WWOX: variants seen among roughly 807,000 people sequenced by gnomAD.
WWOX encodes the protein WW domain-containing oxidoreductase.
Under a neutral mutation model 46.2 loss-of-function variants are expected in WWOX, and 69 were observed. That is an observed-to-expected ratio of 1.49 (90% CI 1.23 to 1.82). The LOEUF is 1.82. WWOX is among the 40% of genes most tolerant of loss of function. The probability of loss-of-function intolerance (pLI) is 0.00; values close to 1 mark genes in which losing one functional copy is unlikely to be tolerated. For synonymous variants in WWOX, 359 were observed against 202.6 expected, an observed-to-expected ratio of 1.77 and a Z score of -6.56; for missense variants, 919 against 542.6, an observed-to-expected ratio of 1.69 and a Z score of -6.89.
At chr16:78,870,052 C>G (rs994565535) in intron 8 of WWOX, among the ~76,000 whole-genome samples, 2 of 152,180 alleles carry the variant, frequency 1.3e-5, no homozygotes, top group South Asian at 2.1e-4. Flanking sequence ...CCATCAACTA[C>G]AAATCATTGA....
intron 8 of WWOX, among the ~76,000 whole-genome samples, chr16:78,869,869 C>T (rs1312694497): frequency 6.6e-6 from 1 of 152,182 alleles, no homozygotes; most frequent in Non-Finnish European, 1.5e-5. Flanking sequence ...TACTCATGGG[C>T]TCTTTTTTCC....
At chr16:78,942,505 G>A (rs9930476) in intron 8 of WWOX, among the ~76,000 whole-genome samples, 17,589 of 152,044 alleles carry the variant, frequency 0.12, 1,151 homozygotes, top group African/African-American at 0.16. Context: ...ATTGATTCCC[G>A]TAGCTCTCTG....
At chr16:78,179,939 T>C (rs1043014734) in intron 5 of WWOX, among the ~76,000 whole-genome samples, 5 of 152,192 alleles carry the variant, frequency 3.3e-5, no homozygotes, top group African/African-American at 1.2e-4. Context: ...GAGTTATAAC[T>C]TGGGCAGCAG....
chr16:79,153,619 C>G (rs1416439119), intron 8 of WWOX, among the ~76,000 whole-genome samples: 1 of 152,132 alleles, frequency 6.6e-6, no homozygotes, highest in Admixed American at 6.6e-5. Flanking sequence ...TAAAGAACCT[C>G]TAGATTTTGT....
At chr16:78,806,295 C>A (rs979211752) in intron 8 of WWOX, among the ~76,000 whole-genome samples, 2 of 152,130 alleles carry the variant, frequency 1.3e-5, no homozygotes, top group African/African-American at 4.8e-5. Flanking sequence ...TGAAGCATTT[C>A]CCTATTCTTT....
At chr16:79,162,395 T>A (rs752390255) in intron 8 of WWOX, among the ~76,000 whole-genome samples, 5 of 152,170 alleles carry the variant, frequency 3.3e-5, no homozygotes, top group Non-Finnish European at 5.9e-5. Context: ...CTCTCTCTTG[T>A]CCCTGGTTGC....
intron 8 of WWOX, among the ~76,000 whole-genome samples, chr16:78,506,728 T>TCCGA (rs1330915138): frequency 1.1e-5 from 1 of 93,596 alleles, no homozygotes; most frequent in African/African-American, 3.9e-5. Context: ...TTTTTTTTTT[T>TCCGA]GTACAGAGTC....
At chr16:78,356,987 C>T (rs2081308516) in intron 5 of WWOX, among the ~76,000 whole-genome samples, 1 of 152,164 alleles carries the variant, frequency 6.6e-6, no homozygotes, top group South Asian at 2.1e-4. Flanking sequence ...CTTTTTATGG[C>T]CATGTATACC....
intron 8 of WWOX, among the ~76,000 whole-genome samples, chr16:78,956,124 C>T (rs1041040131): frequency 6.6e-6 from 1 of 151,864 alleles, no homozygotes; most frequent in Non-Finnish European, 1.5e-5. Context: ...CCCACTAGAT[C>T]CATGTATTTG....
chr16:78,822,442 T>C (rs946702193), intron 8 of WWOX, among the ~76,000 whole-genome samples: 4 of 152,020 alleles, frequency 2.6e-5, no homozygotes, highest in African/African-American at 9.7e-5. Context: ...TGCAGTCAGC[T>C]GAGACTGCGC....
intron 7 of WWOX, among the ~76,000 whole-genome samples, chr16:78,430,397 T>C (rs1371762138): frequency 2.0e-5 from 3 of 152,186 alleles, no homozygotes; most frequent in African/African-American, 7.2e-5. Flanking sequence ...TTATTCATTC[T>C]ACATGTAAAT....
At chr16:78,795,291 G>A (rs2050707951) in intron 8 of WWOX, among the ~76,000 whole-genome samples, 1 of 152,140 alleles carries the variant, frequency 6.6e-6, no homozygotes, top group Non-Finnish European at 1.5e-5. Flanking sequence ...ATTTACTCAG[G>A]ATTTTAAGTA....
intron 8 of WWOX, among the ~76,000 whole-genome samples, chr16:78,706,093 C>A (rs919477700): frequency 1.5e-5 from 2 of 137,544 alleles, no homozygotes; most frequent in African/African-American, 5.4e-5. Context: ...TAAATTCACC[C>A]ATATTTGATG....
chr16:78,246,829 A>G (rs541882996), intron 5 of WWOX, among the ~76,000 whole-genome samples: 3 of 151,588 alleles, frequency 2.0e-5, no homozygotes, highest in Admixed American at 6.6e-5. Flanking sequence ...AGTGCGAGCA[A>G]TTGATCAGCT....
chr16:78,709,417 C>A (rs574049991), intron 8 of WWOX, among the ~76,000 whole-genome samples: 1 of 152,156 alleles, frequency 6.6e-6, no homozygotes, highest in Non-Finnish European at 1.5e-5. Flanking sequence ...CGGGCCCAGC[C>A]TGTTGCAAGT....
chr16:78,844,161 A>G (rs1227651418), intron 8 of WWOX, among the ~76,000 whole-genome samples: 3 of 152,132 alleles, frequency 2.0e-5, no homozygotes, highest in Admixed American at 2.0e-4. Context: ...TAGCCAAGTA[A>G]AACTGTAAGT....
chr16:79,063,222 T>C (rs2150552155), intron 8 of WWOX, among the ~76,000 whole-genome samples: 1 of 152,264 alleles, frequency 6.6e-6, no homozygotes, highest in South Asian at 2.1e-4. Flanking sequence ...GACCTCGAGG[T>C]ATTTTGGATA....
At chr16:78,918,327 T>G (rs1304316381) in intron 8 of WWOX, among the ~76,000 whole-genome samples, 1 of 152,244 alleles carries the variant, frequency 6.6e-6, no homozygotes, top group Non-Finnish European at 1.5e-5. Context: ...ATACATTTCC[T>G]GTTTCTCTCT....
intron 8 of WWOX, among the ~76,000 whole-genome samples, chr16:78,732,860 T>C (rs377678448): frequency 6.6e-6 from 1 of 152,206 alleles, no homozygotes; most frequent in Non-Finnish European, 1.5e-5. Context: ...ATTATCTCCC[T>C]TAGGTTTGAC....
Sources: gnomAD v4.1 joint callset for allele counts (sites outside exome capture counted in the v4.1 genomes callset) on GRCh38, gnomAD v4.1.1 for gene constraint, MANE v1.5 for transcripts, NCBI Gene and HGNC (gene_info 2026-07-23, HGNC 2026-07-21) for gene names.